Variants in WDR45B observed in about 807,000 individuals in gnomAD.
The protein encoded by WDR45B is WD repeat domain phosphoinositide-interacting protein 3.
A neutral mutation model predicts 44.6 loss-of-function variants in WDR45B; 20 were observed. The ratio of observed to expected loss-of-function variants is 0.45; its 90% CI spans 0.32 to 0.65. The LOEUF (loss-of-function observed/expected upper bound fraction) is 0.65, where lower values mean the gene tolerates loss of function less well. WDR45B is among the 30% of genes least tolerant of loss of function. The pLI is 0.05. For synonymous variants in WDR45B, 169 were observed against 164.9 expected, an observed-to-expected ratio of 1.02 and a Z score of -0.19; for missense variants, 323 against 430.2, an observed-to-expected ratio of 0.75 and a Z score of 2.20.
Position 82,644,204 on chromosome 17 carries a change from G to T in WDR45B, c.68-181C>A, listed in dbSNP as rs188885535. On this transcript the variant is annotated intron_variant, in intron 1 of 9. Coordinates refer to ENST00000392325, the MANE Select transcript of WDR45B (RefSeq NM_019613.4). ...GTTACTAAGTGACAAGCACATCCATGCAGGGCATTTTGTTTGTCCTTTAGC... is the reference window on the plus strand; with the variant it reads ...GTTACTAAGTGACAAGCACATCCATTCAGGGCATTTTGTTTGTCCTTTAGC... The T allele has an allele frequency of 8.9e-6, 6 of 671,018 alleles. No individual in the cohort carries two copies. In the African/African-American group the frequency reaches 1.1e-4, roughly 12 times the overall value. 41.6% of individuals were successfully genotyped at this position (671,018 alleles called of 1,614,324 possible). A position where few individuals can be genotyped will look rare whatever the true frequency, so the allele number is the denominator to read the frequency against.
At chr17:82,634,643 C>T (rs992639697) in intron 2 of WDR45B, among the ~76,000 whole-genome samples, 1 of 151,966 alleles carries the variant, frequency 6.6e-6, no homozygotes, top group East Asian at 1.9e-4. Flanking sequence ...GCAGAAGGAC[C>T]CGAGTGTCCA....
intron 5 of WDR45B, among the ~76,000 whole-genome samples, chr17:82,623,412 A>G (rs1198832729): frequency 6.8e-6 from 1 of 148,096 alleles, no homozygotes; most frequent in Non-Finnish European, 1.5e-5. Flanking sequence ...AACAAACAAA[A>G]AAAATGGGGC....
intron 2 of WDR45B, among the ~76,000 whole-genome samples, chr17:82,642,540 G>C (rs1368712720): frequency 2.0e-5 from 3 of 152,198 alleles, no homozygotes; most frequent in Admixed American, 6.5e-5. Flanking sequence ...TCCAAGGAGG[G>C]GGCTGTGGGA....
At chr17:82,620,651 C>A (rs2045601973) in intron 6 of WDR45B, among the ~76,000 whole-genome samples, 2 of 152,084 alleles carry the variant, frequency 1.3e-5, no homozygotes. Flanking sequence ...TGCGGTCTCA[C>A]CTCCTTAACA....
At chr17:82,621,932 T>A in intron 5 of WDR45B, 133 bp from the exon 6 acceptor site, 1 of 1,067,976 alleles carries the variant, frequency 9.4e-7, no homozygotes, top group Non-Finnish European at 1.4e-6. Flanking sequence ...CAAATTCAAT[T>A]TAAAGATTTT....
intron 6 of WDR45B, 27 bp downstream of exon 6, chr17:82,621,582 C>A (rs752060888): frequency 1.2e-6 from 2 of 1,613,708 alleles, no homozygotes; most frequent in Non-Finnish European, 1.7e-6. Context: ...GGAGGCACAA[C>A]ACCAACAAGG....
intron 8 of WDR45B, among the ~76,000 whole-genome samples, chr17:82,616,965 C>T (rs1267315674): frequency 6.6e-6 from 1 of 151,840 alleles, no homozygotes; most frequent in Non-Finnish European, 1.5e-5. Flanking sequence ...CTACAGGCAC[C>T]CGCCACCACG....
chr17:82,636,972 G>C lies in WDR45B; in HGVS notation c.143-5950C>G, dbSNP rs1006367253. Among the ~76,000 whole-genome samples, 5 of 151,990 alleles carry C rather than the reference G, an allele frequency of 3.3e-5. No homozygotes were observed. The East Asian group carries it at 9.6e-4, about 29-fold the overall frequency. On this transcript the variant is annotated intron_variant, in intron 2 of 9. Coordinates refer to ENST00000392325, the MANE Select transcript of WDR45B (RefSeq NM_019613.4). ...GTCCGACCCCAGCCCATAGGGGAGT[G>C]ACACAGAGATAGGGACTGCGTTCAG...
chr17:82,617,435 A>T, intron 7 of WDR45B, 38 bp from the exon 8 acceptor site: 1 of 1,602,892 alleles, frequency 6.2e-7, no homozygotes, highest in East Asian at 2.2e-5. Context: ...CCTTGTGTGG[A>T]TGTGGAGGAG....
chr17:82,616,059 T>G, intron 9 of WDR45B, 34 bp from the exon 10 acceptor site: 1 of 1,592,114 alleles, frequency 6.3e-7, no homozygotes, highest in Non-Finnish European at 8.6e-7. Flanking sequence ...ACCTGTGTGT[T>G]TCTTTCCCTC....
chr17:82,646,090 C>T (rs9905099), intron 1 of WDR45B, among the ~76,000 whole-genome samples: 21,699 of 150,742 alleles, frequency 0.14, 1,938 homozygotes, highest in East Asian at 0.27. Flanking sequence ...CACAGCACTC[C>T]AGCCTGGGCA....
rs1568003154 is a variant in WDR45B, at chr17:82,621,513, C to T, written c.618+96G>A. The stretch of plus-strand genomic sequence containing the variant: ...CTGAGGGGCTCCAGGTTGGGGCAGG[C>T]CCACTGCCTTTTGAGTCTTGATACA... On this transcript the variant is annotated intron_variant, in intron 6 of 9. Transcript: ENST00000392325. 20 of 1,535,360 alleles carry T rather than the reference C, an allele frequency of 1.3e-5. No homozygotes were observed. The South Asian group carries it at 2.3e-4, about 17-fold the overall frequency.
At chr17:82,644,236 G>A (rs527475316) in intron 1 of WDR45B, 13 of 602,108 alleles carry the variant, frequency 2.2e-5, no homozygotes, top group Middle Eastern at 4.4e-4. Context: ...TAGCAAAGGA[G>A]TCTTGGAGTT....
At chr17:82,616,676 A>C (rs1423753855) in intron 8 of WDR45B, 31 bp from the exon 9 acceptor site, 1 of 1,614,034 alleles carries the variant, frequency 6.2e-7, no homozygotes, top group South Asian at 1.1e-5. Flanking sequence ...AGGGTGGTTC[A>C]AAGTTTACAG....
At position 82,615,882 on chromosome 17, in the gene WDR45B, C is replaced by T. The variant is rs763622863; in HGVS notation, c.*37G>A. The T allele has an allele frequency of 2.7e-5, 43 of 1,589,236 alleles. No homozygotes were observed. The highest frequency in any genetic ancestry group is 3.2e-5 in the Non-Finnish European group (37 of 1,158,674). ...GGCACCAGCCCCGAGAGTCTGAAGG[C>T]GGCAGGTGGTGGGTGCTGTGGCGCC... On this transcript the variant is annotated 3_prime_UTR_variant, in exon 10 of 10. Coordinates refer to ENST00000392325, the MANE Select transcript of WDR45B (RefSeq NM_019613.4).
intron 2 of WDR45B, among the ~76,000 whole-genome samples, chr17:82,636,071 G>A (rs1801545243): frequency 6.6e-6 from 1 of 150,898 alleles, no homozygotes. Flanking sequence ...TGGGCAACAA[G>A]AGTGAAACTT....
At chr17:82,633,215 C>A (rs1487181489) in intron 2 of WDR45B, among the ~76,000 whole-genome samples, 1 of 148,934 alleles carries the variant, frequency 6.7e-6, no homozygotes, top group Non-Finnish European at 1.5e-5. Context: ...GGACATCAAA[C>A]TTTTGTGCAC....
intron 2 of WDR45B, among the ~76,000 whole-genome samples, chr17:82,636,970 G>A (rs2045840657): frequency 6.6e-6 from 1 of 151,978 alleles, no homozygotes; most frequent in East Asian, 1.9e-4. Flanking sequence ...CCATAGGGGA[G>A]TGACACAGAG....
At chr17:82,637,516 G>C (rs1294445855) in intron 2 of WDR45B, among the ~76,000 whole-genome samples, 1 of 151,892 alleles carries the variant, frequency 6.6e-6, no homozygotes, top group Non-Finnish European at 1.5e-5. Flanking sequence ...GATCCCACAG[G>C]TTGAAGGCTC....
Sources: allele counts gnomAD v4.1 joint callset (sites outside exome capture counted in the v4.1 genomes callset), GRCh38; gene constraint gnomAD v4.1.1; transcripts MANE v1.5; gene names NCBI Gene and HGNC (gene_info 2026-07-23, HGNC 2026-07-21).